The following ATM variants were observed in gnomAD, a reference collection of about 807,000 sequenced individuals.
The protein encoded by ATM is ATM serine/threonine kinase.
ATM carries 308 observed loss-of-function variants against 387.0 expected under a neutral mutation model. That is an observed-to-expected ratio of 0.80 (90% CI 0.73 to 0.87). The LOEUF (loss-of-function observed/expected upper bound fraction) is 0.87, where lower values mean the gene tolerates loss of function less well. Ranked by LOEUF, ATM falls within the 40% of genes least tolerant of loss-of-function variation. The pLI is 0.00. For missense variants in ATM, 3,312 were observed against 3,560.9 expected, an observed-to-expected ratio of 0.93 and a Z score of 1.78; for synonymous variants, 1,156 against 1,187.3, an observed-to-expected ratio of 0.97 and a Z score of 0.54.
chr11:108,350,353 C>G (rs1269454376), intron 59 of ATM, among the ~76,000 whole-genome samples: 1 of 152,036 alleles, frequency 6.6e-6, no homozygotes, highest in African/African-American at 2.4e-5. Flanking sequence ...AAGAAGAGGG[C>G]TAATAAACTA....
intron 4 of ATM, among the ~76,000 whole-genome samples, chr11:108,232,894 C>T (rs1476286044): frequency 1.3e-5 from 2 of 150,300 alleles, no homozygotes; most frequent in Non-Finnish European, 3.0e-5. Context: ...CAGAGTTTTG[C>T]TCTTGTTGCT....
intron 9 of ATM, among the ~76,000 whole-genome samples, chr11:108,250,452 A>G (rs2080073118): frequency 6.6e-6 from 1 of 152,104 alleles, no homozygotes; most frequent in Non-Finnish European, 1.5e-5. Flanking sequence ...TGCTAATTTA[A>G]TATCCTTTAA....
intron 22 of ATM, among the ~76,000 whole-genome samples, chr11:108,275,221 T>G (rs1288937827): frequency 6.6e-6 from 1 of 152,196 alleles, no homozygotes; most frequent in East Asian, 1.9e-4. Flanking sequence ...TGGTAAATAT[T>G]CCTCCACCCC....
At chr11:108,283,884 T>C (rs1266475008) in intron 25 of ATM, among the ~76,000 whole-genome samples, 3 of 152,240 alleles carry the variant, frequency 2.0e-5, no homozygotes, top group African/African-American at 7.2e-5. Flanking sequence ...ACTGCATTTA[T>C]GTTAGTTGAT....
At chr11:108,311,844 C>T (rs2084189783) in intron 39 of ATM, among the ~76,000 whole-genome samples, 1 of 152,096 alleles carries the variant, frequency 6.6e-6, no homozygotes, top group Non-Finnish European at 1.5e-5. Context: ...ATTGAAGTTA[C>T]TTACAGAACT....
chr11:108,322,129 A>T (rs2085276910), intron 45 of ATM, among the ~76,000 whole-genome samples: 1 of 151,670 alleles, frequency 6.6e-6, no homozygotes, highest in South Asian at 2.1e-4. Flanking sequence ...TTGTATACCT[A>T]GTGTTTTTGT....
chr11:108,361,482 A>G lies in ATM; in HGVS notation c.8851-3600A>G, dbSNP rs554997674. 7.6e-4 allele frequency among the ~76,000 whole-genome samples: 115 copies of G among 152,178 alleles called. 1 individual carries two copies. Among genetic ancestry groups the G allele is most frequent in the African/African-American group, 2.4e-3 (101 of 41,530 alleles). On this transcript the variant is annotated intron_variant, in intron 61 of 62. Coordinates refer to ENST00000675843, the MANE Select transcript of ATM (RefSeq NM_000051.4). Reference sequence around the variant, plus strand: ...CATATGGAACCAAAAAAGAGCCCGCATCGGCAAGTCAATCCTAAGCCAAAA... The same window carrying G: ...CATATGGAACCAAAAAAGAGCCCGCGTCGGCAAGTCAATCCTAAGCCAAAA...
intron 57 of ATM, among the ~76,000 whole-genome samples, chr11:108,343,671 G>C (rs2087894583): frequency 6.6e-6 from 1 of 152,118 alleles, no homozygotes; most frequent in Non-Finnish European, 1.5e-5. Flanking sequence ...AAAATGCCAG[G>C]CACGATGGCA....
Position 108,333,938 on chromosome 11 carries a change from A to T in ATM, c.7980A>T (p.Glu2660Asp), listed in dbSNP as rs1555126247. ...DQPITKLKNLEDVVVPTMEIK... is the reference protein window; with the variant it reads ...DQPITKLKNLDDVVVPTMEIK... ...CAATTACTAAACTTAAGAATTTAGA[A>T]GATGTTGTTGTCCCTACTATGGAAA... Residue 2660 changes from glutamate (E) to aspartate (D), a missense_variant, in exon 54 of 63, where the codon GAA (glutamate) becomes GAT (aspartate). Glu to Asp is a conservative substitution (Grantham distance 45). Coordinates refer to ENST00000675843, the MANE Select transcript of ATM (RefSeq NM_000051.4). 6.2e-7 allele frequency: 1 copy of T among 1,611,710 alleles called. No homozygotes were observed. Among genetic ancestry groups the T allele is most frequent in the East Asian group, 2.2e-5 (1 of 44,860 alleles).
At position 108,366,318 on chromosome 11, in the gene ATM, T is replaced by G. The variant is rs2091327906; in HGVS notation, c.*810T>G. The G allele has an allele frequency of 4.7e-6, 1 of 211,422 alleles. No homozygotes were observed. The highest frequency in any genetic ancestry group is 9.6e-6 in the Non-Finnish European group (1 of 104,316). 13.1% of individuals were successfully genotyped at this position (211,422 alleles called of 1,614,324 possible). On this transcript the variant is annotated 3_prime_UTR_variant, in exon 63 of 63. Transcript: ENST00000675843. ...ATCTCTTTTACCCTATCCATTGGGC[T>G]TCTTCTTTCAGAAATTGTTTTTCAT...
intron 7 of ATM, among the ~76,000 whole-genome samples, chr11:108,245,774 C>T (rs1456322831): frequency 6.6e-6 from 1 of 151,590 alleles, no homozygotes; most frequent in African/African-American, 2.4e-5. Flanking sequence ...AAACAGCATA[C>T]CACATTGAGT....
intron 61 of ATM, among the ~76,000 whole-genome samples, chr11:108,360,594 C>T (rs2090607720): frequency 6.7e-6 from 1 of 148,790 alleles, no homozygotes; most frequent in Non-Finnish European, 1.5e-5. Flanking sequence ...AAAGCTTATC[C>T]ACCATGATCC....
chr11:108,320,189 G>A (rs2085101115), intron 44 of ATM, 131 bp downstream of exon 44: 1 of 711,636 alleles, frequency 1.4e-6, no homozygotes, highest in Non-Finnish European at 2.4e-6. Flanking sequence ...GCTGTGATCA[G>A]ATGTTTCCTT....
In ATM at chr11:108,299,889, A is replaced by C. The variant is rs2083338902; in HGVS notation, c.5177+4A>C. The C allele has an allele frequency of 6.2e-7, 1 of 1,612,094 alleles. No homozygotes were observed. Among genetic ancestry groups the C allele is most frequent in the East Asian group, 2.2e-5 (1 of 44,812 alleles). ...ATAACACACTGGTAGAAGATTGGTG[A>C]GTATTTATTGATACCTTATATGTAA... On this transcript the variant is annotated splice_donor_region_variant and intron_variant, in intron 34 of 62. Coordinates refer to ENST00000675843, the MANE Select transcript of ATM (RefSeq NM_000051.4).
At chr11:108,333,744 C>T (rs1418986816) in intron 53 of ATM, 142 bp from the exon 54 acceptor site, 3 of 760,258 alleles carry the variant, frequency 3.9e-6, no homozygotes, top group African/African-American at 1.7e-5. Context: ...GTGGCCAAAG[C>T]CCAGAGTCTT....
chr11:108,235,744 A>G lies in ATM; in HGVS notation c.406A>G (p.Ile136Val), dbSNP rs780941782. 6.2e-7 allele frequency: 1 copy of G among 1,612,922 alleles called. No homozygotes were observed. ...AGTGAAAGATTCATCTAATGGTGCT[A>G]TTTACGGAGCTGATTGTAGCAACAT... ...DTVKDSSNGA[I>V]YGADCSNILL... The change falls in exon 5 of 63, where the codon ATT becomes GTT. Residue 136 changes from isoleucine (I) to valine (V), a missense_variant. Ile to Val is a conservative substitution (Grantham distance 29). Around this residue, in one of 4 missense-constraint regions of ATM, gnomAD observed 1,791 missense variants for 1,804.5 expected, o/e 0.99. Transcript: ENST00000675843.
In ATM at chr11:108,368,342, A is replaced by G. The variant is rs2091440176; in HGVS notation, c.*2834A>G. Reference sequence around the variant, plus strand: ...GCTGGAACTCTTTCTGCAAATGACTAAGATAGAAAACTGCCAAGGACAAAT... The same window carrying G: ...GCTGGAACTCTTTCTGCAAATGACTGAGATAGAAAACTGCCAAGGACAAAT... On this transcript the variant is annotated 3_prime_UTR_variant, in exon 63 of 63. Coordinates refer to ENST00000675843, the MANE Select transcript of ATM (RefSeq NM_000051.4). 1 of 214,720 alleles carries G rather than the reference A, an allele frequency of 4.7e-6. No individual in the cohort carries two copies. Among genetic ancestry groups the G allele is most frequent in the Non-Finnish European group, 9.4e-6 (1 of 106,548 alleles). 13.3% of individuals were successfully genotyped at this position (214,720 alleles called of 1,614,324 possible). A position where few individuals can be genotyped will look rare whatever the true frequency, so the allele number is the denominator to read the frequency against.
In ATM at chr11:108,247,072, G is replaced by A. The variant is rs202160435; in HGVS notation, c.1010G>A (p.Arg337His). ...GSRGKYSSGF[R>H]NIAVKENLIE... ...AGAGGAAAGTATTCTTCAGGATTTC[G>A]TAATATTGCCGTCAAAGAAAATTTG... Residue 337 changes from arginine (R) to histidine (H), a missense_variant, in exon 8 of 63, where the codon CGT becomes CAT. Physicochemically the swap from Arg to His is conservative, Grantham distance 29 (BLOSUM62 0). Transcript: ENST00000675843. The A allele has an allele frequency of 7.4e-5, 120 of 1,613,880 alleles. No individual in the cohort carries two copies. The highest frequency in any genetic ancestry group is 3.8e-4 in the Admixed American group (23 of 60,016).
At chr11:108,241,129 C>T (rs1001867896) in intron 5 of ATM, among the ~76,000 whole-genome samples, 7 of 152,164 alleles carry the variant, frequency 4.6e-5, no homozygotes, top group African/African-American at 1.7e-4. Context: ...AGGTCAGGAT[C>T]ATCAGTATCA....
Sources: gnomAD v4.1 joint callset for allele counts (sites outside exome capture counted in the v4.1 genomes callset) on GRCh38, gnomAD v4.1.1 for gene constraint, gnomAD v4.1.1 regional missense constraint, MANE v1.5 for transcripts, NCBI Gene and HGNC (gene_info 2026-07-23, HGNC 2026-07-21) for gene names.